Variants in PIGO observed in about 807,000 individuals in gnomAD.
PIGO encodes the protein GPI ethanolamine phosphate transferase 3, catalytic subunit.
A neutral mutation model predicts 86.9 loss-of-function variants in PIGO; 66 were observed. The ratio of observed to expected loss-of-function variants is 0.76; its 90% CI spans 0.62 to 0.93. The LOEUF is 0.93. Among genes scored for constraint, PIGO ranks in the 40% least tolerant of loss-of-function variants. The pLI, the probability that PIGO is intolerant of heterozygous loss-of-function variation, is 0.00. For missense variants in PIGO, 1,202 were observed against 1,359.1 expected (o/e 0.88, Z 1.82); for synonymous variants, 570 against 556.4 (o/e 1.02, Z -0.34).
At position 35,091,795 on chromosome 9, in the gene PIGO, C is replaced by T. The variant is rs571768342; in HGVS notation, c.2092G>A (p.Glu698Lys). ...CAGCGCACAAAGAGCATGGGTGGCT[C>T]GGGGCTCTTGAGATTACCATAGCGG... ...LRRYGNLKSPEPPMLFVRWGL... is the reference protein window; with the variant it reads ...LRRYGNLKSPKPPMLFVRWGL... Residue 698 changes from glutamate (E) to lysine (K), a missense_variant, in exon 7 of 11, where the codon GAG (glutamate) becomes AAG (lysine). Physicochemically the swap from Glu to Lys is moderately conservative, Grantham distance 56. Coordinates refer to ENST00000378617, the MANE Select transcript of PIGO (RefSeq NM_032634.4). 3.6e-5 allele frequency: 58 copies of T among 1,613,014 alleles called. No individual in the cohort carries two copies. In the East Asian group the frequency reaches 1.1e-3, roughly 32 times the overall value.
intron 4 of PIGO, 64 bp downstream of exon 4, chr9:35,093,837 G>C: frequency 6.3e-7 from 1 of 1,589,370 alleles, no homozygotes; most frequent in Non-Finnish European, 8.6e-7. Context: ...GAAGCTCTAA[G>C]ATAAGAGCTT....
At chr9:35,093,347 T>C (rs1456203013) in intron 5 of PIGO, 74 bp downstream of exon 5, 1 of 1,598,752 alleles carries the variant, frequency 6.3e-7, no homozygotes, top group East Asian at 2.2e-5. Flanking sequence ...AAAATAGAGG[T>C]ATTCATGAGG....
In PIGO at chr9:35,092,167, G is replaced by C. The variant is rs765632190; in HGVS notation, c.1720C>G (p.Pro574Ala). 6.2e-7 allele frequency: 1 copy of C among 1,614,186 alleles called. No individual in the cohort carries two copies. The highest frequency in any genetic ancestry group is 1.1e-5 in the South Asian group (1 of 91,084). Residue 574 changes from proline to alanine, a missense_variant, in exon 7 of 11, where the codon CCC (proline) becomes GCC (alanine). Transcript: ENST00000378617. Reference sequence around the variant, plus strand: ...AGGATGAATGAGCCCAAAAGGAAGGGGGTGGCCCTGGCCTCAGCTACAACA... The same window carrying C: ...AGGATGAATGAGCCCAAAAGGAAGGCGGTGGCCCTGGCCTCAGCTACAACA... Reference protein sequence around the residue: ...SFVVAEARATPFLLGSFILLL... With the variant: ...SFVVAEARATAFLLGSFILLL...
intron 2 of PIGO, 45 bp downstream of exon 2, chr9:35,095,009 GA>G (rs1400947838): frequency 1.3e-6 from 2 of 1,532,968 alleles, no homozygotes; most frequent in East Asian, 4.5e-5. Flanking sequence ...AAATTTTGAA[GA>G]AATTTGCCAA....
At chr9:35,090,364 A>G (rs1186800453) in intron 8 of PIGO, 84 bp from the exon 9 acceptor site, 3 of 1,556,674 alleles carry the variant, frequency 1.9e-6, no homozygotes, top group Non-Finnish European at 2.6e-6. Flanking sequence ...AGGGGTGCCA[A>G]AGATCCAACA....
chr9:35,089,012 A>T lies in PIGO; in HGVS notation c.*80T>A. The T allele has an allele frequency of 6.3e-7, 1 of 1,575,418 alleles. No homozygotes were observed. The highest frequency in any genetic ancestry group is 8.6e-7 in the Non-Finnish European group (1 of 1,157,264). ...GAGTATGGCTGAGCCTGTCTTGCAG[A>T]TCATCCAGTACCTGTACAGGCCAGG... On this transcript the variant is annotated 3_prime_UTR_variant, in exon 11 of 11. Coordinates refer to ENST00000378617, the MANE Select transcript of PIGO (RefSeq NM_032634.4).
chr9:35,091,174 T>A, intron 7 of PIGO, 66 bp downstream of exon 7: 1 of 1,484,540 alleles, frequency 6.7e-7, no homozygotes, highest in Non-Finnish European at 9.0e-7. Context: ...AACACCTCCT[T>A]GAAAACAAGA....
chr9:35,092,345 C>G lies in PIGO; in HGVS notation c.1542G>C (p.Gly514=). ...IELKLDLVLL[G]AVAAVSSFLP... ...GGAATGAGCTCACTGCAGCCACAGC[C>G]CCTAGAAGCACTAGATCTAGCTTCA... The change falls in exon 7 of 11, where the codon GGG becomes GGC. Residue 514 remains glycine, a synonymous_variant. Coordinates refer to ENST00000378617, the MANE Select transcript of PIGO (RefSeq NM_032634.4). The G allele has an allele frequency of 6.2e-7, 1 of 1,614,238 alleles. No homozygotes were observed. The highest frequency in any genetic ancestry group is 8.5e-7 in the Non-Finnish European group (1 of 1,180,048).
chr9:35,094,414 A>G, intron 2 of PIGO, 55 bp from the exon 3 acceptor site: 1 of 1,560,320 alleles, frequency 6.4e-7, no homozygotes, highest in Non-Finnish European at 8.6e-7. Flanking sequence ...GGTTAGGAGA[A>G]AAGAGGAAAA....
chr9:35,092,843 A>G, intron 6 of PIGO, 76 bp from the exon 7 acceptor site: 1 of 1,426,562 alleles, frequency 7.0e-7, no homozygotes, highest in Non-Finnish European at 9.5e-7. Flanking sequence ...AATAGGTATT[A>G]CAAAAGGGGG....
chr9:35,091,196 C>CA, intron 7 of PIGO, 44 bp downstream of exon 7: 1 of 1,521,700 alleles, frequency 6.6e-7, no homozygotes. Flanking sequence ...GGGCCGAACT[C>CA]ACATCACTAT....
chr9:35,089,634 A>G, intron 9 of PIGO, 184 bp from the exon 10 acceptor site: 1 of 1,445,418 alleles, frequency 6.9e-7, no homozygotes, highest in Admixed American at 2.7e-5. Context: ...CCAAGCACTG[A>G]CTCACTATGT....
At position 35,089,015 on chromosome 9, in the gene PIGO, A is replaced by C; in HGVS notation, c.*77T>G. The stretch of plus-strand genomic sequence containing the variant: ...TATGGCTGAGCCTGTCTTGCAGATC[A>C]TCCAGTACCTGTACAGGCCAGGCTA... On this transcript the variant is annotated 3_prime_UTR_variant, in exon 11 of 11. Coordinates refer to ENST00000378617, the MANE Select transcript of PIGO (RefSeq NM_032634.4). The C allele has an allele frequency of 6.3e-7, 1 of 1,585,124 alleles. No homozygotes were observed. Among genetic ancestry groups the C allele is most frequent in the Admixed American group, 1.7e-5 (1 of 57,846 alleles).
At position 35,093,932 on chromosome 9, in the gene PIGO, T is replaced by C; in HGVS notation, c.748A>G (p.Lys250Glu). 1 of 1,614,192 alleles carries C rather than the reference T, an allele frequency of 6.2e-7. No individual in the cohort carries two copies. The highest frequency in any genetic ancestry group is 8.5e-7 in the Non-Finnish European group (1 of 1,180,020). The change falls in exon 4 of 11, where the codon AAG (lysine) becomes GAG (glutamate). Residue 250 changes from lysine to glutamate, a missense_variant. Physicochemically the swap from Lys to Glu is moderately conservative, Grantham distance 56. Transcript: ENST00000378617. ...ACCTGGTCCATCTGGCTAAGTTTCT[T>C]GGCCATTTCAGGGTGGTGAGGGCCA... ...KHGPHHPEMA[K>E]KLSQMDQVIQ...
In PIGO at chr9:35,088,721, A is replaced by G. The variant is rs1218655617; in HGVS notation, c.*371T>C. The G allele has an allele frequency of 5.7e-6, 1 of 175,776 alleles. No homozygotes were observed. Among genetic ancestry groups the G allele is most frequent in the Non-Finnish European group, 1.2e-5 (1 of 81,048 alleles). The allele number at this position is 175,776 out of a possible 1,614,324, so 10.9% of individuals were successfully genotyped here. Reference sequence around the variant, plus strand: ...TTATCATTTTATTACACTTTTTTTTAAATAGTAGAGACGGGGTCTTGTTAT... The same window carrying G: ...TTATCATTTTATTACACTTTTTTTTGAATAGTAGAGACGGGGTCTTGTTAT... On this transcript the variant is annotated 3_prime_UTR_variant, in exon 11 of 11. Transcript: ENST00000378617.
At position 35,089,080 on chromosome 9, in the gene PIGO, TCA is replaced by T. The variant is rs540040672; in HGVS notation, c.*10_*11del. On this transcript the variant is annotated 3_prime_UTR_variant, in exon 11 of 11. Coordinates refer to ENST00000378617, the MANE Select transcript of PIGO (RefSeq NM_032634.4). The stretch of plus-strand genomic sequence containing the variant: ...ACTCTCTGTAGCCAAGTGCCAGTAA[TCA>T]CAGACTAGGCTACCTCTGCTGGGCC... 2.8e-4 allele frequency: 446 copies of T among 1,613,886 alleles called. No individual in the cohort carries two copies. Among genetic ancestry groups the T allele is most frequent in the Non-Finnish European group, 3.5e-4 (413 of 1,180,000 alleles).
At position 35,091,718 on chromosome 9, in the gene PIGO, C is replaced by T. The variant is rs780502790; in HGVS notation, c.2169G>A (p.Ser723=). ...GACGGGGGGGAGCCTCATCTGCCCC[C>T]GACGCCAATGCCCAGTAGGCAGCAG... ...LGTAAYWALA[S]GADEAPPRLR... Residue 723 remains serine, a synonymous_variant, in exon 7 of 11, where the codon TCG becomes TCA. Coordinates refer to ENST00000378617, the MANE Select transcript of PIGO (RefSeq NM_032634.4). The T allele has an allele frequency of 6.8e-5, 110 of 1,612,038 alleles. No individual in the cohort carries two copies. The highest frequency in any genetic ancestry group is 3.0e-4 in the Admixed American group (18 of 60,008).
Position 35,092,179 on chromosome 9 carries a change from C to T in PIGO, c.1708G>A (p.Ala570Thr), listed in dbSNP as rs767046819. 11 of 1,614,068 alleles carry T rather than the reference C, an allele frequency of 6.8e-6. 1 individual carries two copies. The Admixed American group carries it at 1.7e-4, about 24-fold the overall frequency. ...CCCAAAAGGAAGGGGGTGGCCCTGG[C>T]CTCAGCTACAACAAAACTATCAGAG... ...FFSDSFVVAE[A>T]RATPFLLGSF... Residue 570 changes from alanine (A) to threonine (T), a missense_variant, in exon 7 of 11, where the codon GCC (alanine) becomes ACC (threonine). By Grantham distance (58) the Ala-to-Thr change is moderately conservative. Transcript: ENST00000378617.
chr9:35,091,800 CTCT>C lies in PIGO; in HGVS notation c.2084_2086del (p.Lys695del), dbSNP rs1436537334. ...CACAAAGAGCATGGGTGGCTCGGGG[CTCT>C]TGAGATTACCATAGCGGCGAAGCCA... On this transcript the variant is annotated inframe_deletion, in exon 7 of 11. Transcript: ENST00000378617. 4 of 1,613,204 alleles carry C rather than the reference CTCT, an allele frequency of 2.5e-6. No individual in the cohort carries two copies. The African/African-American group carries it at 5.3e-5, about 22-fold the overall frequency.
Sources: allele counts gnomAD v4.1 joint callset, GRCh38; gene constraint gnomAD v4.1.1; transcripts MANE v1.5; gene names NCBI Gene and HGNC (gene_info 2026-07-23, HGNC 2026-07-21).